The following MBD5 variants were observed in gnomAD, a reference collection of about 807,000 sequenced individuals.
MBD5 encodes the protein methyl-CpG-binding domain protein 5.
A neutral mutation model predicts 117.3 loss-of-function variants in MBD5; 13 were observed. That is an observed-to-expected ratio of 0.11 (90% CI 0.07 to 0.18). The LOEUF is 0.18. MBD5 is among the 10% of genes least tolerant of loss of function. The pLI, the probability that MBD5 is intolerant of heterozygous loss-of-function variation, is 1.00. For synonymous variants in MBD5, 727 were observed against 766.4 expected, an observed-to-expected ratio of 0.95 and a Z score of 0.85; for missense variants, 1,879 against 2,093.8, an observed-to-expected ratio of 0.90 and a Z score of 2.00.
chr2:148,430,257 C>G (rs1041175421), intron 4 of MBD5, among the ~76,000 whole-genome samples: 1 of 152,116 alleles, frequency 6.6e-6, no homozygotes, highest in Non-Finnish European at 1.5e-5. Flanking sequence ...TCTGAACAAT[C>G]TATTATCTTC....
rs535889177 is a variant in MBD5, at chr2:148,302,613, C to T, written c.-679-39601C>T. On this transcript the variant is annotated intron_variant, in intron 3 of 13. Transcript: ENST00000642680. ...TTTCTATGCAGATATTAAAGCATTT[C>T]GGTTTTGGGTTTTTGTTTGTTTTTT... Among the ~76,000 whole-genome samples, 8 of 150,896 alleles carry T rather than the reference C, an allele frequency of 5.3e-5. No homozygotes were observed. In the South Asian group the frequency reaches 1.5e-3, roughly 28 times the overall value.
intron 3 of MBD5, among the ~76,000 whole-genome samples, chr2:148,310,989 G>A (rs2106527324): frequency 6.6e-6 from 1 of 152,320 alleles, no homozygotes; most frequent in South Asian, 2.1e-4. Context: ...GTTCTAATTT[G>A]ATTGTACTGT....
chr2:148,081,782 C>A (rs529134288), intron 1 of MBD5, among the ~76,000 whole-genome samples: 2 of 152,072 alleles, frequency 1.3e-5, no homozygotes, highest in Non-Finnish European at 2.9e-5. Flanking sequence ...TTTCTTTGTT[C>A]CTTCCCCATT....
chr2:148,176,138 C>T (rs569858427), intron 1 of MBD5, among the ~76,000 whole-genome samples: 4 of 152,152 alleles, frequency 2.6e-5, no homozygotes, highest in African/African-American at 9.6e-5. Flanking sequence ...AGATCTTTAG[C>T]ATTACATGCA....
In MBD5 at chr2:148,021,335, T is replaced by G; in HGVS notation, c.-1274T>G. ...GTTTCTTCTTCTTCGAAAACCCCCA[T>G]CCACGACTCCTACCCCCTCACCCCT... On this transcript the variant is annotated 5_prime_UTR_variant, in exon 1 of 14. Coordinates refer to ENST00000642680, the MANE Select transcript of MBD5 (RefSeq NM_001378120.1). The G allele has an allele frequency of 5.4e-6, 2 of 370,538 alleles. No individual in the cohort carries two copies. The highest frequency in any genetic ancestry group is 7.2e-5 in the East Asian group (1 of 13,860). 23.0% of individuals were successfully genotyped at this position (370,538 alleles called of 1,614,324 possible).
chr2:148,292,876 A>G (rs1179534759), intron 3 of MBD5, among the ~76,000 whole-genome samples: 3 of 150,042 alleles, frequency 2.0e-5, no homozygotes, highest in African/African-American at 4.9e-5. Context: ...TACACAACAG[A>G]GTACCATTCA....
intron 1 of MBD5, among the ~76,000 whole-genome samples, chr2:148,165,519 G>A (rs182701212): frequency 6.6e-6 from 1 of 152,046 alleles, no homozygotes; most frequent in East Asian, 1.9e-4. Flanking sequence ...CTAATGGTTA[G>A]TTGTTCTCTG....
intron 4 of MBD5, among the ~76,000 whole-genome samples, chr2:148,365,488 C>T (rs1268635816): frequency 6.6e-6 from 1 of 152,016 alleles, no homozygotes; most frequent in Non-Finnish European, 1.5e-5. Flanking sequence ...TAAACAAGAT[C>T]AGAGCAGAAC....
At chr2:148,100,264 A>G (rs1413548099) in intron 1 of MBD5, among the ~76,000 whole-genome samples, 4 of 152,206 alleles carry the variant, frequency 2.6e-5, no homozygotes, top group African/African-American at 7.2e-5. Flanking sequence ...AGAGCCATGC[A>G]TTGACTATGA....
intron 4 of MBD5, among the ~76,000 whole-genome samples, chr2:148,446,762 T>A (rs1319508770): frequency 6.6e-6 from 1 of 151,990 alleles, no homozygotes; most frequent in African/African-American, 2.4e-5. Context: ...AGTTAGAGTG[T>A]TTCAAGGATT....
intron 4 of MBD5, among the ~76,000 whole-genome samples, chr2:148,408,294 A>G (rs1291069049): frequency 6.6e-6 from 1 of 152,116 alleles, no homozygotes; most frequent in Non-Finnish European, 1.5e-5. Flanking sequence ...TTCATCTTTT[A>G]ACGTTCCTGA....
chr2:148,228,656 G>A (rs1370232272), intron 2 of MBD5, among the ~76,000 whole-genome samples: 3 of 152,088 alleles, frequency 2.0e-5, no homozygotes, highest in African/African-American at 7.2e-5. Flanking sequence ...CTCTTTTTCT[G>A]TTGATTGGAA....
intron 4 of MBD5, among the ~76,000 whole-genome samples, chr2:148,400,513 T>C (rs768682177): frequency 6.6e-6 from 1 of 152,204 alleles, no homozygotes; most frequent in African/African-American, 2.4e-5. Context: ...GCAGGATGAT[T>C]TTTCAAGAAA....
At chr2:148,154,250 C>T (rs555317121) in intron 1 of MBD5, among the ~76,000 whole-genome samples, 3 of 152,142 alleles carry the variant, frequency 2.0e-5, no homozygotes, top group South Asian at 2.1e-4. Context: ...TTAGGCTGCT[C>T]GGGGGTCAGT....
intron 2 of MBD5, among the ~76,000 whole-genome samples, chr2:148,215,995 AC>A (rs1338919723): frequency 3.3e-5 from 5 of 152,336 alleles, no homozygotes; most frequent in South Asian, 2.1e-4. Context: ...ACAGAAAAAA[AC>A]AATGGATTTT....
At chr2:148,037,651 G>A (rs949817238) in intron 1 of MBD5, among the ~76,000 whole-genome samples, 2 of 151,928 alleles carry the variant, frequency 1.3e-5, no homozygotes, top group African/African-American at 4.8e-5. Flanking sequence ...AAAACAGAAT[G>A]TGCAGTGTAT....
chr2:148,241,175 A>T (rs569257235), intron 3 of MBD5, among the ~76,000 whole-genome samples: 1 of 152,088 alleles, frequency 6.6e-6, no homozygotes, highest in East Asian at 1.9e-4. Flanking sequence ...AGATTCTGTT[A>T]TCTTCTTCTG....
chr2:148,137,181 G>T (rs983643815), intron 1 of MBD5, among the ~76,000 whole-genome samples: 3 of 152,100 alleles, frequency 2.0e-5, no homozygotes. Flanking sequence ...CAACAGGTCT[G>T]TTCCCCCTGA....
At chr2:148,083,819 G>C (rs1017504937) in intron 1 of MBD5, among the ~76,000 whole-genome samples, 2 of 151,900 alleles carry the variant, frequency 1.3e-5, no homozygotes, top group Non-Finnish European at 2.9e-5. Context: ...GTAGAGATGG[G>C]GTTTCACTAT....
Sources: allele counts gnomAD v4.1 joint callset (sites outside exome capture counted in the v4.1 genomes callset), GRCh38; gene constraint gnomAD v4.1.1; transcripts MANE v1.5; gene names NCBI Gene and HGNC (gene_info 2026-07-23, HGNC 2026-07-21).